PTPRN2: variants seen among roughly 807,000 people sequenced by gnomAD.
The protein encoded by PTPRN2 is receptor-type tyrosine-protein phosphatase N2.
PTPRN2 carries 74 observed loss-of-function variants against 118.8 expected under a neutral mutation model. That is an observed-to-expected ratio of 0.62 (90% CI 0.52 to 0.76). The LOEUF is 0.76. Ranked by LOEUF, PTPRN2 falls within the 30% of genes least tolerant of loss-of-function variation. The pLI is 0.00. For missense variants in PTPRN2, 1,481 were observed against 1,394.4 expected, an observed-to-expected ratio of 1.06 and a Z score of -0.99; for synonymous variants, 641 against 608.0, an observed-to-expected ratio of 1.05 and a Z score of -0.80.
chr7:157,717,692 T>C (rs1176476474), intron 12 of PTPRN2, among the ~76,000 whole-genome samples: 1 of 152,274 alleles, frequency 6.6e-6, no homozygotes, highest in African/African-American at 2.4e-5. Context: ...GGGCACCGGC[T>C]GCTCCTTGCT....
intron 15 of PTPRN2, among the ~76,000 whole-genome samples, chr7:157,605,115 C>G (rs567313445): frequency 1.3e-5 from 2 of 152,386 alleles, no homozygotes; most frequent in East Asian, 3.9e-4. Flanking sequence ...ACGTTTGGCT[C>G]ACACTACCAG....
chr7:158,146,866 C>G (rs980221842), intron 6 of PTPRN2, among the ~76,000 whole-genome samples: 1 of 151,972 alleles, frequency 6.6e-6, no homozygotes, highest in Non-Finnish European at 1.5e-5. Context: ...ATAGAACAAG[C>G]AAACAGTTTA....
At chr7:157,939,527 T>C (rs1434040984) in intron 11 of PTPRN2, among the ~76,000 whole-genome samples, 1 of 152,274 alleles carries the variant, frequency 6.6e-6, no homozygotes, top group African/African-American at 2.4e-5. Flanking sequence ...ATTCACCCTG[T>C]GGACACAGCC....
intron 2 of PTPRN2, among the ~76,000 whole-genome samples, chr7:158,395,926 G>C (rs971822589): frequency 6.6e-6 from 1 of 152,020 alleles, no homozygotes; most frequent in Non-Finnish European, 1.5e-5. Context: ...AGGTGAGGTC[G>C]GGCTACAGAC....
At chr7:158,474,604 A>G (rs1251306137) in intron 2 of PTPRN2, among the ~76,000 whole-genome samples, 1 of 151,840 alleles carries the variant, frequency 6.6e-6, no homozygotes, top group Non-Finnish European at 1.5e-5. Flanking sequence ...TCAACCGCCC[A>G]GCAGAATGTG....
intron 3 of PTPRN2, among the ~76,000 whole-genome samples, chr7:158,254,819 C>T (rs572149825): frequency 1.3e-5 from 2 of 152,364 alleles, no homozygotes; most frequent in South Asian, 4.1e-4. Flanking sequence ...CATCTTTGCA[C>T]CTGAAGAAAC....
intron 1 of PTPRN2, among the ~76,000 whole-genome samples, chr7:158,496,345 C>G (rs866892484): frequency 2.5e-5 from 2 of 80,752 alleles, no homozygotes; most frequent in Admixed American, 1.3e-4. Flanking sequence ...CTTCCCTGTG[C>G]CCCCTTCCCT....
At chr7:158,076,904 G>A (rs755305517) in intron 11 of PTPRN2, among the ~76,000 whole-genome samples, 21 of 152,238 alleles carry the variant, frequency 1.4e-4, no homozygotes, top group Middle Eastern at 3.2e-3. Flanking sequence ...AAGGTGTGAT[G>A]CATTGCCGAA....
intron 2 of PTPRN2, among the ~76,000 whole-genome samples, chr7:158,416,647 T>C (rs994119569): frequency 9.2e-5 from 14 of 151,434 alleles, no homozygotes; most frequent in Admixed American, 2.6e-4. Context: ...TGAAAAGGGA[T>C]GGTGCTGGAA....
intron 17 of PTPRN2, among the ~76,000 whole-genome samples, chr7:157,588,749 A>G (rs572127388): frequency 6.6e-6 from 1 of 152,282 alleles, no homozygotes; most frequent in East Asian, 1.9e-4. Flanking sequence ...TTCTGTTTAT[A>G]GAGACGTCTT....
At chr7:157,887,242 A>G (rs1408670732) in intron 12 of PTPRN2, among the ~76,000 whole-genome samples, 2 of 152,094 alleles carry the variant, frequency 1.3e-5, no homozygotes, top group Non-Finnish European at 2.9e-5. Flanking sequence ...ATGCAATTTC[A>G]TGCAGATTTC....
intron 9 of PTPRN2, among the ~76,000 whole-genome samples, chr7:158,127,062 T>C (rs1276560688): frequency 1.3e-5 from 2 of 152,164 alleles, no homozygotes; most frequent in East Asian, 1.9e-4. Context: ...GGAAGAAACA[T>C]TTCAGCTGCA....
rs187413312 is a variant in PTPRN2, at chr7:158,073,676, G to A, written c.1723+7622C>T. Among the ~76,000 whole-genome samples the A allele has an allele frequency of 2.7e-5, 4 of 150,604 alleles. No individual in the cohort carries two copies. In the East Asian group the frequency reaches 7.7e-4, roughly 29 times the overall value. Reference sequence around the variant, plus strand: ...GGTATAAAGACACTACCCTTTCTATGCGGAGATGAGGCCGCTTCCTACTAA... The same window carrying A: ...GGTATAAAGACACTACCCTTTCTATACGGAGATGAGGCCGCTTCCTACTAA... On this transcript the variant is annotated intron_variant, in intron 11 of 22. Transcript: ENST00000389418.
At chr7:158,460,855 A>G (rs966566879) in intron 2 of PTPRN2, among the ~76,000 whole-genome samples, 4 of 152,278 alleles carry the variant, frequency 2.6e-5, no homozygotes, top group Non-Finnish European at 4.4e-5. Flanking sequence ...ATACAAGAAC[A>G]GATAGTAGTT....
chr7:157,899,339 G>C (rs1235354432), intron 11 of PTPRN2, among the ~76,000 whole-genome samples: 2 of 152,156 alleles, frequency 1.3e-5, no homozygotes, highest in Non-Finnish European at 1.5e-5. Context: ...CAAACCAAGG[G>C]AAATGAGCTC....
intron 10 of PTPRN2, among the ~76,000 whole-genome samples, chr7:158,097,314 C>G (rs1038548300): frequency 1.3e-5 from 2 of 152,188 alleles, no homozygotes; most frequent in South Asian, 2.1e-4. Context: ...TCCCGCGCCC[C>G]GTGCACAGAG....
rs542137490 is a variant in PTPRN2, at chr7:157,707,173, AAC to A, written c.1789-24238_1789-24237del. Among the ~76,000 whole-genome samples, 28 of 135,434 alleles carry A rather than the reference AAC, an allele frequency of 2.1e-4. No homozygotes were observed. The East Asian group carries it at 6.1e-3, about 29-fold the overall frequency. The allele number at this position is 135,434 out of a possible 152,430, so 88.8% of individuals were successfully genotyped here. On this transcript the variant is annotated intron_variant, in intron 12 of 22. Transcript: ENST00000389418. ...TTTTATACACAGCACACATACCACA[AAC>A]ACACACAGATACAGCATACACGCAC...
rs370399991 is a variant in PTPRN2, at chr7:158,071,415, C to A, written c.1723+9883G>T. Among the ~76,000 whole-genome samples, 40 of 11,474 alleles carry A rather than the reference C, an allele frequency of 3.5e-3. 1 individual carries two copies. The highest frequency in any genetic ancestry group is 4.3e-3 in the South Asian group (1 of 232). 7.5% of individuals were successfully genotyped at this position (11,474 alleles called of 152,430 possible). ...GGAGGTGCTCGTGGTGGAGTTGCTC[C>A]TGGTGGTGGAGGTGCTCGTGGTGGT... On this transcript the variant is annotated intron_variant, in intron 11 of 22. Transcript: ENST00000389418.
intron 15 of PTPRN2, among the ~76,000 whole-genome samples, chr7:157,620,573 G>T (rs756119259): frequency 6.6e-6 from 1 of 152,212 alleles, no homozygotes; most frequent in Non-Finnish European, 1.5e-5. Flanking sequence ...GGACGACAGC[G>T]TGACCCCAAT....
Sources: gnomAD v4.1 joint callset for allele counts (sites outside exome capture counted in the v4.1 genomes callset) on GRCh38, gnomAD v4.1.1 for gene constraint, MANE v1.5 for transcripts, NCBI Gene and HGNC (gene_info 2026-07-23, HGNC 2026-07-21) for gene names.